RSU1: variants seen among roughly 807,000 people sequenced by gnomAD.
RSU1 encodes Ras suppressor protein 1, also known as rsu-1.
Under a neutral mutation model 31.1 loss-of-function variants are expected in RSU1, and 26 were observed. That is an observed-to-expected ratio of 0.84 (90% CI 0.61 to 1.16). The LOEUF (loss-of-function observed/expected upper bound fraction) is 1.16, where lower values mean the gene tolerates loss of function less well. RSU1 is among the 50% of genes most tolerant of loss of function. RSU1 has a pLI of 0.00. For synonymous variants in RSU1, 164 were observed against 136.3 expected (o/e 1.20, Z -1.41); for missense variants, 320 against 339.1 (o/e 0.94, Z 0.44).
intron 2 of RSU1, among the ~76,000 whole-genome samples, chr10:16,799,669 G>A (rs1264439224): frequency 6.6e-6 from 1 of 152,084 alleles, no homozygotes; most frequent in Non-Finnish European, 1.5e-5. Context: ...GGGGAGAAGA[G>A]CAACCACTGT....
At chr10:16,746,033 AG>A (rs1462442186) in intron 7 of RSU1, among the ~76,000 whole-genome samples, 1 of 152,208 alleles carries the variant, frequency 6.6e-6, no homozygotes, top group African/African-American at 2.4e-5. Context: ...CCACAGGAAA[AG>A]GATTAAGAGA....
chr10:16,765,158 A>C (rs1483276582), intron 3 of RSU1, among the ~76,000 whole-genome samples: 1 of 152,090 alleles, frequency 6.6e-6, no homozygotes, highest in East Asian at 1.9e-4. Context: ...AAAGATGGAG[A>C]TCTCCAAATC....
intron 8 of RSU1, among the ~76,000 whole-genome samples, chr10:16,620,713 T>C (rs550994968): frequency 1.6e-4 from 25 of 152,038 alleles, no homozygotes; most frequent in Non-Finnish European, 2.9e-4. Context: ...GGTGTGGTGA[T>C]GGGTGCCTGT....
chr10:16,743,303 G>T lies in RSU1; in HGVS notation c.598+9236C>A, dbSNP rs146814643. Among the ~76,000 whole-genome samples, 75 of 152,268 alleles carry T rather than the reference G, an allele frequency of 4.9e-4. 1 individual carries two copies. The East Asian group carries it at 0.014, about 27-fold the overall frequency. ...GGAATGCTTATTTTTGAATTAGGAA[G>T]ATCTGAACTAAAAACTGGATTCTGT... is the stretch of plus-strand genomic sequence containing the variant. On this transcript the variant is annotated intron_variant, in intron 7 of 8. Transcript: ENST00000345264.
intron 2 of RSU1, among the ~76,000 whole-genome samples, chr10:16,797,501 T>C (rs984820590): frequency 1.3e-5 from 2 of 152,110 alleles, no homozygotes; most frequent in African/African-American, 2.4e-5. Context: ...ACATAAAAAA[T>C]ATTGGGAGCA....
At chr10:16,764,759 A>G (rs1370560629) in intron 3 of RSU1, among the ~76,000 whole-genome samples, 2 of 152,170 alleles carry the variant, frequency 1.3e-5, no homozygotes, top group African/African-American at 4.8e-5. Flanking sequence ...TCAGATGGAC[A>G]ATGAGGGGGG....
intron 8 of RSU1, among the ~76,000 whole-genome samples, chr10:16,661,287 CGT>C (rs56675037): frequency 0.29 from 38,346 of 132,562 alleles, 5,265 homozygotes; most frequent in Middle Eastern, 0.41. Context: ...GTAGAGAGTG[CGT>C]GTGTGTGTGT....
intron 7 of RSU1, among the ~76,000 whole-genome samples, chr10:16,699,260 C>T (rs753678061): frequency 3.3e-5 from 5 of 152,182 alleles, no homozygotes; most frequent in Non-Finnish European, 5.9e-5. Context: ...GTGGATAACA[C>T]AATACCTGTT....
intron 2 of RSU1, among the ~76,000 whole-genome samples, chr10:16,810,115 C>G (rs531402972): frequency 6.6e-6 from 1 of 152,136 alleles, no homozygotes; most frequent in Non-Finnish European, 1.5e-5. Flanking sequence ...CCTGTAATCC[C>G]AACTACTCCA....
rs529995960 is a variant in RSU1, at chr10:16,762,493, C to G, written c.281+1897G>C. 1.6e-4 allele frequency among the ~76,000 whole-genome samples: 24 copies of G among 149,822 alleles called. No individual in the cohort carries two copies. In the South Asian group the frequency reaches 4.0e-3, roughly 25 times the overall value. ...ATTTCTGCTTTGCCAGATGGGTATA[C>G]AGGCTCCAAATTTGTAGGGAGAAAA... On this transcript the variant is annotated intron_variant, in intron 4 of 8. Coordinates refer to ENST00000345264, the MANE Select transcript of RSU1 (RefSeq NM_012425.4).
chr10:16,723,237 A>C (rs1469993711), intron 7 of RSU1: 2 of 152,110 alleles, frequency 1.3e-5, no homozygotes, highest in Non-Finnish European at 2.9e-5. Context: ...GTCAGACATA[A>C]AGGTTACATT....
chr10:16,668,406 T>C (rs1835039816), intron 8 of RSU1, among the ~76,000 whole-genome samples: 1 of 152,202 alleles, frequency 6.6e-6, no homozygotes, highest in African/African-American at 2.4e-5. Context: ...GGACCAGTGG[T>C]TGAGAAGATC....
At chr10:16,676,102 A>G (rs1835226010) in intron 8 of RSU1, among the ~76,000 whole-genome samples, 1 of 152,244 alleles carries the variant, frequency 6.6e-6, no homozygotes, top group Non-Finnish European at 1.5e-5. Context: ...AGTATTCTAG[A>G]GAAAGGTCAT....
chr10:16,807,018 G>C (rs1160819567), intron 2 of RSU1, among the ~76,000 whole-genome samples: 3 of 152,156 alleles, frequency 2.0e-5, no homozygotes, highest in African/African-American at 7.2e-5. Flanking sequence ...TTGGCCTCCG[G>C]AAGCGCTGGG....
At chr10:16,593,708 A>G (rs1382540883) in intron 8 of RSU1, among the ~76,000 whole-genome samples, 1 of 152,228 alleles carries the variant, frequency 6.6e-6, no homozygotes, top group East Asian at 1.9e-4. Context: ...CCGATCACGG[A>G]CCAGTCTCTT....
rs575562223 is a variant in RSU1, at chr10:16,671,783, G to A, written c.731+23240C>T. 1.3e-3 allele frequency among the ~76,000 whole-genome samples: 194 copies of A among 151,690 alleles called. 1 individual carries two copies. In the South Asian group the frequency reaches 0.018, roughly 14 times the overall value. ...TGGGGCTACAGGCACATACCACCATGCCCAGCTAATTTTTGTATTTTTTTA... is the reference window on the plus strand; with the variant it reads ...TGGGGCTACAGGCACATACCACCATACCCAGCTAATTTTTGTATTTTTTTA... On this transcript the variant is annotated intron_variant, in intron 8 of 8. Coordinates refer to ENST00000345264, the MANE Select transcript of RSU1 (RefSeq NM_012425.4).
At chr10:16,760,526 A>AG (rs1382219118) in intron 4 of RSU1, among the ~76,000 whole-genome samples, 1 of 151,822 alleles carries the variant, frequency 6.6e-6, no homozygotes, top group Non-Finnish European at 1.5e-5. Flanking sequence ...AGAAAAAAAA[A>AG]AAAAAAGAAA....
At chr10:16,703,893 T>C (rs967176933) in intron 7 of RSU1, among the ~76,000 whole-genome samples, 3 of 152,228 alleles carry the variant, frequency 2.0e-5, no homozygotes, top group South Asian at 2.1e-4. Flanking sequence ...CCCAGATTTA[T>C]TGAAGCAGGC....
intron 8 of RSU1, among the ~76,000 whole-genome samples, chr10:16,619,898 T>C (rs929009349): frequency 1.3e-5 from 2 of 152,204 alleles, no homozygotes; most frequent in Admixed American, 1.3e-4. Flanking sequence ...TTTTCGTATA[T>C]TTCTTTCAAG....
Sources: gnomAD v4.1 joint callset for allele counts (sites outside exome capture counted in the v4.1 genomes callset) on GRCh38, gnomAD v4.1.1 for gene constraint, MANE v1.5 for transcripts, NCBI Gene and HGNC (gene_info 2026-07-23, HGNC 2026-07-21) for gene names.